The following CLVS1 variants were observed in gnomAD, a reference collection of about 807,000 sequenced individuals.
CLVS1 encodes clavesin-1.
Under a neutral mutation model 33.1 loss-of-function variants are expected in CLVS1, and 10 were observed. The ratio of observed to expected loss-of-function variants is 0.30; its 90% CI spans 0.19 to 0.51. CLVS1 has a LOEUF of 0.51. CLVS1 is among the 20% of genes least tolerant of loss of function. The pLI is 0.97. For synonymous variants in CLVS1, 163 were observed against 166.1 expected, an observed-to-expected ratio of 0.98 and a Z score of 0.14; for missense variants, 343 against 433.4, an observed-to-expected ratio of 0.79 and a Z score of 1.85.
At chr8:61,128,660 C>T (rs1403140939) in intron 1 of CLVS1, among the ~76,000 whole-genome samples, 1 of 152,248 alleles carries the variant, frequency 6.6e-6, no homozygotes, top group Non-Finnish European at 1.5e-5. Flanking sequence ...TGGTTCAATG[C>T]TTGGGTCAGG....
At chr8:61,262,686 A>G (rs917858036) in intron 2 of CLVS1, among the ~76,000 whole-genome samples, 25 of 152,156 alleles carry the variant, frequency 1.6e-4, no homozygotes, top group Non-Finnish European at 3.4e-4. Context: ...CCCAGCTCAT[A>G]TTTGGATGAG....
chr8:61,384,091 T>C (rs886197020), intron 3 of CLVS1, among the ~76,000 whole-genome samples: 5 of 152,028 alleles, frequency 3.3e-5, no homozygotes, highest in Non-Finnish European at 7.4e-5. Context: ...CAGGTAAGCG[T>C]GGAATAGTAA....
chr8:61,468,701 T>C (rs1481946715), intron 5 of CLVS1, among the ~76,000 whole-genome samples: 3 of 101,132 alleles, frequency 3.0e-5, no homozygotes, highest in African/African-American at 1.5e-4. Context: ...ATCCCAGCCA[T>C]ATAAGTAAAA....
At chr8:61,044,287 G>T in the CLVS1 span, among the ~76,000 whole-genome samples, 8 of 152,148 alleles carry the variant, frequency 5.3e-5, no homozygotes, top group East Asian at 1.9e-4. Flanking sequence ...TGTATGCCAC[G>T]TGAAAAATAT....
intron 3 of CLVS1, among the ~76,000 whole-genome samples, chr8:61,449,261 T>C (rs914265724): frequency 3.9e-5 from 6 of 152,074 alleles, no homozygotes; most frequent in Admixed American, 3.3e-4. Flanking sequence ...ATGATTAAAG[T>C]CTTGACTGTC....
rs891705400 is a variant in CLVS1 at position 61,449,651 on chromosome 8, CT to C, written c.631-4482del. On this transcript the variant is annotated intron_variant, in intron 3 of 5. Transcript: ENST00000325897. ...ACTAGTCATTTCATTAAAGAGCAGC[CT>C]TTTTTTTAGTTGCTTTTTATTGATT... Among the ~76,000 whole-genome samples the C allele has an allele frequency of 7.1e-4, 108 of 152,056 alleles. 1 individual carries two copies. Among genetic ancestry groups the C allele is most frequent in the African/African-American group, 2.6e-3 (108 of 41,466 alleles).
At chr8:61,273,857 C>A (rs2978516) in intron 2 of CLVS1, 41,115 of 154,952 alleles carry the variant, frequency 0.27, 6,657 homozygotes, top group Non-Finnish European at 0.34. Flanking sequence ...GGGTCGCGCA[C>A]GGTGCGCGCA....
the CLVS1 span, among the ~76,000 whole-genome samples, chr8:61,002,570 G>T: frequency 4.6e-5 from 7 of 151,954 alleles, no homozygotes; most frequent in Admixed American, 3.9e-4. Flanking sequence ...CTGACCTCAT[G>T]ATCCACCTGC....
At chr8:61,438,994 C>A (rs1334600143) in intron 3 of CLVS1, among the ~76,000 whole-genome samples, 1 of 152,180 alleles carries the variant, frequency 6.6e-6, no homozygotes, top group Non-Finnish European at 1.5e-5. Flanking sequence ...TGTTATTATA[C>A]TTGCTTATTG....
intron 1 of CLVS1, among the ~76,000 whole-genome samples, chr8:61,293,345 T>G (rs1216975478): frequency 6.6e-6 from 1 of 152,150 alleles, no homozygotes; most frequent in Admixed American, 6.5e-5. Flanking sequence ...TACCCACAGG[T>G]CTGATGTTCC....
chr8:61,114,655 G>T (rs1805685438), intron 1 of CLVS1, among the ~76,000 whole-genome samples: 1 of 152,128 alleles, frequency 6.6e-6, no homozygotes, highest in Non-Finnish European at 1.5e-5. Flanking sequence ...AAACATCATT[G>T]CAAGTGAAAC....
chr8:61,079,787 A>AC (rs1021603440), intron 1 of CLVS1, among the ~76,000 whole-genome samples: 1 of 120,976 alleles, frequency 8.3e-6, no homozygotes, highest in African/African-American at 3.6e-5. Flanking sequence ...AAAAGCCATT[A>AC]GGAAAAAAAA....
chr8:61,471,289 G>A (rs1321178700), intron 5 of CLVS1, among the ~76,000 whole-genome samples: 1 of 152,168 alleles, frequency 6.6e-6, no homozygotes, highest in African/African-American at 2.4e-5. Context: ...CAACTGCAGA[G>A]CACCACAGAA....
At chr8:61,198,461 C>T (rs1807661295) in intron 2 of CLVS1, among the ~76,000 whole-genome samples, 2 of 152,168 alleles carry the variant, frequency 1.3e-5, no homozygotes, top group African/African-American at 4.8e-5. Context: ...TTCACTGCAA[C>T]CTCTACATCC....
chr8:61,235,979 A>G (rs1808548860), intron 2 of CLVS1, among the ~76,000 whole-genome samples: 1 of 152,138 alleles, frequency 6.6e-6, no homozygotes, highest in Non-Finnish European at 1.5e-5. Flanking sequence ...CAGACCCATG[A>G]AATTGGAGGC....
the CLVS1 span, among the ~76,000 whole-genome samples, chr8:61,048,735 C>T: frequency 6.6e-6 from 1 of 152,106 alleles, no homozygotes; most frequent in Non-Finnish European, 1.5e-5. Flanking sequence ...TGGAGCTCCC[C>T]CAACCTCCCA....
chr8:61,283,252 A>G (rs1809711655), upstream of CLVS1, among the ~76,000 whole-genome samples: 1 of 152,222 alleles, frequency 6.6e-6, no homozygotes, highest in African/African-American at 2.4e-5. Context: ...TTCACTGTAG[A>G]CATTCATTAC....
At chr8:61,013,938 G>A in the CLVS1 span, among the ~76,000 whole-genome samples, 1 of 151,820 alleles carries the variant, frequency 6.6e-6, no homozygotes, top group Non-Finnish European at 1.5e-5. Flanking sequence ...TAGCAGACAG[G>A]CCTCGGGCCT....
At chr8:61,492,559 T>C (rs966677142) in intron 5 of CLVS1, among the ~76,000 whole-genome samples, 3 of 152,142 alleles carry the variant, frequency 2.0e-5, no homozygotes, top group African/African-American at 7.2e-5. Flanking sequence ...AGATGGGCAG[T>C]CAATGTCCAA....
Sources: gnomAD v4.1 joint callset for allele counts (sites outside exome capture counted in the v4.1 genomes callset) on GRCh38, gnomAD v4.1.1 for gene constraint, MANE v1.5 for transcripts, NCBI Gene and HGNC (gene_info 2026-07-23, HGNC 2026-07-21) for gene names.